ELP4: variants seen among roughly 807,000 people sequenced by gnomAD.
ELP4 encodes the protein elongator acetyltransferase complex subunit 4.
Under a neutral mutation model 48.9 loss-of-function variants are expected in ELP4, and 51 were observed. The observed-to-expected ratio is 1.04, with a 90% CI of 0.83 to 1.32. The LOEUF (loss-of-function observed/expected upper bound fraction) is 1.32, where lower values mean the gene tolerates loss of function less well. Ranked by LOEUF, ELP4 falls within the 40% of genes most tolerant of loss-of-function variation. ELP4 has a pLI of 0.00. For missense variants in ELP4, 519 were observed against 514.6 expected (o/e 1.01, Z -0.08); for synonymous variants, 210 against 189.2 (o/e 1.11, Z -0.90).
At chr11:31,534,266 GGTGTGTGTGTGTGT>G (rs61054150) in intron 2 of ELP4, among the ~76,000 whole-genome samples, 1 of 148,126 alleles carries the variant, frequency 6.8e-6, no homozygotes, top group African/African-American at 2.5e-5. Context: ...GAGGTGGATT[GGTGTGTGTGTGTGT>G]GTGTGTGTGT....
At chr11:31,701,171 A>G (rs540277173) in intron 9 of ELP4, among the ~76,000 whole-genome samples, 4 of 152,286 alleles carry the variant, frequency 2.6e-5, no homozygotes, top group East Asian at 1.9e-4. Flanking sequence ...ACCATTTTGC[A>G]TATATTTAAG....
intron 9 of ELP4, among the ~76,000 whole-genome samples, chr11:31,668,715 TGTGTGTAA>T (rs1377738468): frequency 7.4e-6 from 1 of 135,042 alleles, no homozygotes; most frequent in African/African-American, 3.3e-5. Context: ...TGTGTGTGTG[TGTGTGTAA>T]GAACCCTGTA....
chr11:31,551,873 TATC>T (rs1956859593), intron 3 of ELP4, among the ~76,000 whole-genome samples: 1 of 152,182 alleles, frequency 6.6e-6, no homozygotes, highest in Non-Finnish European at 1.5e-5. Flanking sequence ...TTTCAAAACA[TATC>T]ATGACCCTAA....
intron 5 of ELP4, among the ~76,000 whole-genome samples, chr11:31,606,739 T>C (rs1957882915): frequency 6.6e-6 from 1 of 152,242 alleles, no homozygotes; most frequent in African/African-American, 2.4e-5. Context: ...TTGTTTACTT[T>C]GACTTTGTTT....
intron 3 of ELP4, among the ~76,000 whole-genome samples, chr11:31,587,254 A>G (rs1313572597): frequency 6.6e-6 from 1 of 152,206 alleles, no homozygotes; most frequent in Non-Finnish European, 1.5e-5. Context: ...TAAAAGGACC[A>G]GTGGTGAATG....
chr11:31,545,681 G>T (rs1319237606), intron 3 of ELP4, among the ~76,000 whole-genome samples: 7 of 152,132 alleles, frequency 4.6e-5, no homozygotes, highest in Non-Finnish European at 1.5e-5. Flanking sequence ...ACACGTAATT[G>T]TCAGATTCAT....
At chr11:31,762,220 G>T (rs1259097095) in intron 9 of ELP4, 2 of 152,082 alleles carry the variant, frequency 1.3e-5, no homozygotes, top group African/African-American at 4.8e-5. Flanking sequence ...CTTGACCTAT[G>T]CACAAATTAG....
At chr11:31,525,501 G>T (rs190472246) in intron 2 of ELP4, among the ~76,000 whole-genome samples, 1 of 152,164 alleles carries the variant, frequency 6.6e-6, no homozygotes, top group South Asian at 2.1e-4. Flanking sequence ...GTAGAAAGGA[G>T]TGATGAAGAA....
At chr11:31,695,627 G>T (rs1014960545) in intron 9 of ELP4, among the ~76,000 whole-genome samples, 3 of 149,438 alleles carry the variant, frequency 2.0e-5, no homozygotes, top group Admixed American at 6.7e-5. Context: ...ATCTTTTTTT[G>T]TTGTTGTTGT....
At position 31,559,643 on chromosome 11, in the gene ELP4, C is replaced by T. The variant is rs191145277; in HGVS notation, c.381+19860C>T. Among the ~76,000 whole-genome samples, 288 of 152,248 alleles carry T rather than the reference C, an allele frequency of 1.9e-3. 1 individual carries two copies. The highest frequency in any genetic ancestry group is 6.6e-3 in the African/African-American group (273 of 41,550). Reference sequence around the variant, plus strand: ...TTTGGGCCGGGAGCGGCGGCTCACCCCTGTAATCCTAGCACTTTGGGAGGC... The same window carrying T: ...TTTGGGCCGGGAGCGGCGGCTCACCTCTGTAATCCTAGCACTTTGGGAGGC... On this transcript the variant is annotated intron_variant, in intron 3 of 9. Transcript: ENST00000640961.
In ELP4 at chr11:31,789,397, C is replaced by T. The variant is rs1949059525; in HGVS notation, c.*5873C>T. On this transcript the variant is annotated 3_prime_UTR_variant, in exon 10 of 10. Coordinates refer to ENST00000640961, the MANE Select transcript of ELP4 (RefSeq NM_019040.5). ...TCATCTGTTAACAACCTTTGGAAAA[C>T]CAACAGATATTTCTGACATAAATCT... 2 of 340,964 alleles carry T rather than the reference C, an allele frequency of 5.9e-6. No individual in the cohort carries two copies. The highest frequency in any genetic ancestry group is 1.1e-5 in the Non-Finnish European group (2 of 190,172). 21.1% of individuals were successfully genotyped at this position (340,964 alleles called of 1,614,324 possible).
chr11:31,515,025 G>GTATATATA (rs1446182411), intron 1 of ELP4, among the ~76,000 whole-genome samples: 1 of 137,882 alleles, frequency 7.3e-6, no homozygotes, highest in African/African-American at 2.8e-5. Context: ...GTGTGTGTGT[G>GTATATATA]TGTGTGTGTA....
At chr11:31,638,300 A>C (rs1003539364) in intron 7 of ELP4, among the ~76,000 whole-genome samples, 2 of 151,862 alleles carry the variant, frequency 1.3e-5, no homozygotes, top group Non-Finnish European at 2.9e-5. Context: ...GTACTTGTCT[A>C]GAGAACAGTA....
chr11:31,695,952 T>C (rs1056695102), intron 9 of ELP4, among the ~76,000 whole-genome samples: 6 of 151,856 alleles, frequency 4.0e-5, no homozygotes, highest in East Asian at 3.9e-4. Context: ...AGTTTATTTG[T>C]GTAGAGGTGT....
At chr11:31,577,076 T>C (rs1278686156) in intron 3 of ELP4, among the ~76,000 whole-genome samples, 1 of 151,836 alleles carries the variant, frequency 6.6e-6, no homozygotes, top group African/African-American at 2.4e-5. Context: ...AAGAATCAAA[T>C]AGACACAATA....
chr11:31,528,643 A>C (rs757868374), intron 2 of ELP4, among the ~76,000 whole-genome samples: 6 of 152,120 alleles, frequency 3.9e-5, no homozygotes, highest in African/African-American at 1.4e-4. Context: ...ATACATGTGT[A>C]GGTGATGAAG....
intron 9 of ELP4, among the ~76,000 whole-genome samples, chr11:31,738,472 G>A (rs866204536): frequency 1.3e-5 from 2 of 151,578 alleles, no homozygotes; most frequent in African/African-American, 2.4e-5. Context: ...AGTGGCCGAC[G>A]CCTATAATCC....
chr11:31,538,657 G>A (rs954158739), intron 2 of ELP4, among the ~76,000 whole-genome samples: 8 of 151,292 alleles, frequency 5.3e-5, no homozygotes, highest in African/African-American at 1.9e-4. Flanking sequence ...TGGTTTTACA[G>A]TATTTAAAAC....
chr11:31,575,415 A>G (rs916599796), intron 3 of ELP4, among the ~76,000 whole-genome samples: 3 of 152,156 alleles, frequency 2.0e-5, no homozygotes, highest in African/African-American at 7.2e-5. Context: ...GCAGGCCAAC[A>G]TTCAAATTCA....
Sources: gnomAD v4.1 joint callset for allele counts (sites outside exome capture counted in the v4.1 genomes callset) on GRCh38, gnomAD v4.1.1 for gene constraint, MANE v1.5 for transcripts, NCBI Gene and HGNC (gene_info 2026-07-23, HGNC 2026-07-21) for gene names.